Variants in PLA2G4C observed in about 807,000 individuals in gnomAD.
PLA2G4C encodes the protein phospholipase A2 group IVC, also known as cytosolic phospholipase A2 gamma.
PLA2G4C carries 64 observed loss-of-function variants against 73.8 expected under a neutral mutation model. The observed-to-expected ratio is 0.87, with a 90% CI of 0.71 to 1.07. PLA2G4C has a LOEUF of 1.07. PLA2G4C is among the 50% of genes least tolerant of loss of function. PLA2G4C has a pLI of 0.00. For missense variants in PLA2G4C, 622 were observed against 665.4 expected (o/e 0.93, Z 0.72); for synonymous variants, 254 against 252.1 (o/e 1.01, Z -0.07).
At chr19:48,092,082 TG>T (rs1192899056) in intron 7 of PLA2G4C, among the ~76,000 whole-genome samples, 1 of 145,316 alleles carries the variant, frequency 6.9e-6, no homozygotes, top group African/African-American at 2.6e-5. Context: ...TTTTTTTTTT[TG>T]AGATAGCCCA....
chr19:48,067,692 A>G, intron 13 of PLA2G4C, 99 bp downstream of exon 13: 1 of 815,652 alleles, frequency 1.2e-6, no homozygotes, highest in Non-Finnish European at 2.1e-6. Context: ...GCTCTGGGGA[A>G]GGACCAGCCT....
intron 16 of PLA2G4C, among the ~76,000 whole-genome samples, chr19:48,051,001 G>T (rs1967705296): frequency 1.3e-5 from 2 of 152,052 alleles, no homozygotes. Context: ...TGGCAAAAGG[G>T]ACTCTGCAGA....
At chr19:48,077,441 TAGATGAC>T (rs1460754402) in intron 11 of PLA2G4C, among the ~76,000 whole-genome samples, 2 of 152,034 alleles carry the variant, frequency 1.3e-5, no homozygotes, top group African/African-American at 4.8e-5. Flanking sequence ...AAAGAAATCA[TAGATGAC>T]ACAAACAAAT....
chr19:48,073,374 G>C (rs1052350742), intron 12 of PLA2G4C, among the ~76,000 whole-genome samples: 3 of 152,026 alleles, frequency 2.0e-5, no homozygotes. Context: ...TAGCCCAGTC[G>C]GGGATGGACT....
chr19:48,098,569 C>T (rs867136138), intron 5 of PLA2G4C, among the ~76,000 whole-genome samples: 4 of 151,548 alleles, frequency 2.6e-5, no homozygotes, highest in East Asian at 3.9e-4. Flanking sequence ...GCAATCCTCC[C>T]GCCTCAGCCA....
chr19:48,099,932 C>G, intron 4 of PLA2G4C, 72 bp from the exon 5 acceptor site: 2 of 1,036,784 alleles, frequency 1.9e-6, no homozygotes, highest in Non-Finnish European at 2.9e-6. Context: ...AAGATGTGTG[C>G]AAGGAGGTCC....
intron 13 of PLA2G4C, chr19:48,063,782 C>T (rs1418541652): frequency 6.6e-6 from 1 of 151,550 alleles, no homozygotes; most frequent in African/African-American, 2.4e-5. Flanking sequence ...AATATCCACC[C>T]AGAGCTTAAG....
chr19:48,094,319 A>G (rs2031461657), intron 7 of PLA2G4C, among the ~76,000 whole-genome samples: 1 of 152,178 alleles, frequency 6.6e-6, no homozygotes, highest in Admixed American at 6.6e-5. Flanking sequence ...GTGTGTGTTC[A>G]TTCATCATCT....
intron 1 of PLA2G4C, 119 bp downstream of exon 1, chr19:48,110,367 TA>T (rs199676177): frequency 0.096 from 55,865 of 579,914 alleles, 3,542 homozygotes; most frequent in African/African-American, 0.23. Context: ...AATAAATAAA[TA>T]AAATAAAATA....
At chr19:48,107,685 C>T (rs1006654625) in intron 1 of PLA2G4C, among the ~76,000 whole-genome samples, 2 of 152,068 alleles carry the variant, frequency 1.3e-5, no homozygotes, top group South Asian at 4.2e-4. Flanking sequence ...ATGTCAGGCC[C>T]GCCCGCAGTT....
At position 48,104,662 on chromosome 19, in the gene PLA2G4C, C is replaced by A. The variant is rs148519295; in HGVS notation, c.183G>T (p.Gly61=). 2 of 1,614,064 alleles carry A rather than the reference C, an allele frequency of 1.2e-6. No individual in the cohort carries two copies. Among genetic ancestry groups the A allele is most frequent in the Non-Finnish European group, 1.7e-6 (2 of 1,179,990 alleles). The part of the protein sequence containing the change: ...GGLRAHIACL[G]VLSEMKEQGL... The stretch of plus-strand genomic sequence containing the variant: ...CCTGTTCTTTCATCTCACTCAGGAC[C>A]CCAAGGCAGGCAATGTGAGCCCGCA... Residue 61 remains glycine (G), a synonymous_variant, in exon 4 of 17, where the codon GGG becomes GGT. Transcript: ENST00000599921.
rs541198270 is a variant in PLA2G4C, at chr19:48,053,269, C to T, written c.1430-122G>A. ...CAGTTGTGGACCAAATCCAGTCGGC[C>T]CACTACTTTGGCTTTATAAATAAAG... On this transcript the variant is annotated intron_variant, in intron 15 of 16. Coordinates refer to ENST00000599921, the MANE Select transcript of PLA2G4C (RefSeq NM_003706.3). The T allele has an allele frequency of 1.8e-4, 106 of 580,032 alleles. 2 individuals carry two copies. The South Asian group carries it at 3.5e-3, about 19-fold the overall frequency. 35.9% of individuals were successfully genotyped at this position (580,032 alleles called of 1,614,324 possible). A position where few individuals can be genotyped will look rare whatever the true frequency, so the allele number is the denominator to read the frequency against.
chr19:48,077,533 A>G (rs888563772), intron 11 of PLA2G4C, among the ~76,000 whole-genome samples: 9 of 152,130 alleles, frequency 5.9e-5, no homozygotes, highest in Non-Finnish European at 1.3e-4. Context: ...AGCAATCTAC[A>G]AGTCCAGTGT....
intron 16 of PLA2G4C, among the ~76,000 whole-genome samples, chr19:48,051,556 TGA>T (rs1377355929): frequency 2.5e-4 from 24 of 96,376 alleles, no homozygotes; most frequent in Middle Eastern, 5.8e-3. Context: ...GCAGGAGAGA[TGA>T]GAGAGAGAGA....
At chr19:48,053,668 T>C (rs1967817607) in intron 15 of PLA2G4C, among the ~76,000 whole-genome samples, 1 of 136,546 alleles carries the variant, frequency 7.3e-6, no homozygotes, top group East Asian at 1.9e-4. Flanking sequence ...CCACCGCGCC[T>C]GGCCCCCTGC....
chr19:48,087,146 G>A (rs757395930), intron 9 of PLA2G4C, among the ~76,000 whole-genome samples: 33 of 152,316 alleles, frequency 2.2e-4, no homozygotes, highest in Non-Finnish European at 2.4e-4. Flanking sequence ...CACCCCATGG[G>A]ACAAAAGAAT....
At chr19:48,073,412 C>G (rs2029924291) in intron 12 of PLA2G4C, among the ~76,000 whole-genome samples, 1 of 152,026 alleles carries the variant, frequency 6.6e-6, no homozygotes, top group African/African-American at 2.4e-5. Flanking sequence ...CCTGTCTATT[C>G]TCCATCTCGT....
intron 2 of PLA2G4C, among the ~76,000 whole-genome samples, chr19:48,106,175 G>A (rs766131609): frequency 5.5e-4 from 82 of 150,162 alleles, no homozygotes; most frequent in Admixed American, 3.1e-3. Flanking sequence ...CTTGAACACC[G>A]GGACTCAAGT....
At chr19:48,070,204 A>C (rs1184212966) in intron 12 of PLA2G4C, among the ~76,000 whole-genome samples, 1 of 152,218 alleles carries the variant, frequency 6.6e-6, no homozygotes, top group Non-Finnish European at 1.5e-5. Context: ...ATGGTTTAAC[A>C]TGTCAACTAG....
Sources: allele counts gnomAD v4.1 joint callset (sites outside exome capture counted in the v4.1 genomes callset), GRCh38; gene constraint gnomAD v4.1.1; transcripts MANE v1.5; gene names NCBI Gene and HGNC (gene_info 2026-07-23, HGNC 2026-07-21).